The following ZNF808 variants were observed in gnomAD, a reference collection of about 807,000 sequenced individuals.
ZNF808 encodes the protein zinc finger protein 808.
A neutral mutation model predicts 8.7 loss-of-function variants in ZNF808; 5 were observed. The observed-to-expected ratio is 0.58, with a 90% CI of 0.30 to 1.21. The LOEUF (loss-of-function observed/expected upper bound fraction) is 1.21. Ranked by LOEUF, ZNF808 falls within the 50% of genes most tolerant of loss-of-function variation. ZNF808 has a pLI of 0.07. For synonymous variants in ZNF808, 380 were observed against 366.0 expected, an observed-to-expected ratio of 1.04 and a Z score of -0.44; for missense variants, 1,103 against 1,098.4, an observed-to-expected ratio of 1.00 and a Z score of -0.06.
At chr19:52,542,991 G>A (rs1273514036) in intron 2 of ZNF808, among the ~76,000 whole-genome samples, 1 of 151,674 alleles carries the variant, frequency 6.6e-6, no homozygotes, top group Non-Finnish European at 1.5e-5. Context: ...TCAGGGATGA[G>A]TCTGTGCCAT....
downstream of ZNF808, chr19:52,556,604 A>C (rs545933169): frequency 2.0e-5 from 3 of 152,236 alleles, no homozygotes; most frequent in East Asian, 3.9e-4. Flanking sequence ...GATTACAGGC[A>C]TGAGCCACCG....
At chr19:52,563,777 A>G (rs1568495733) in exon 4 of ZNF808, 1 of 167,412 alleles carries the variant, frequency 6.0e-6, no homozygotes, top group East Asian at 1.9e-4. Context: ...AACAGGAGAA[A>G]CAATAGTCAG....
At chr19:52,529,784 G>A (rs440545) in intron 1 of ZNF808, among the ~76,000 whole-genome samples, 47,446 of 151,588 alleles carry the variant, frequency 0.31, 8,027 homozygotes, top group East Asian at 0.5. Flanking sequence ...GTGCAGTGGC[G>A]TGATCCTCTA....
chr19:52,553,374 A>G lies in ZNF808; in HGVS notation c.458A>G (p.Lys153Arg). Residue 153 changes from lysine to arginine, a missense_variant, in exon 5 of 5, where the codon AAA becomes AGA. Coordinates refer to ENST00000359798, the MANE Select transcript of ZNF808 (RefSeq NM_001039886.4). ...AGGCATGCTGGAAACAAGCCTATTAAAGATCAGCTTGGATCAAGCTTTTAT... is the reference window on the plus strand; with the variant it reads ...AGGCATGCTGGAAACAAGCCTATTAGAGATCAGCTTGGATCAAGCTTTTAT... ...DHRHAGNKPI[K>R]DQLGSSFYSH... 1 of 1,614,204 alleles carries G rather than the reference A, an allele frequency of 6.2e-7. No homozygotes were observed.
chr19:52,538,594 C>CT (rs1376540775), intron 2 of ZNF808, among the ~76,000 whole-genome samples: 3 of 148,046 alleles, frequency 2.0e-5, no homozygotes, highest in Non-Finnish European at 4.4e-5. Flanking sequence ...CACCATTGTA[C>CT]TTCAGCGTGG....
chr19:52,531,822 A>G (rs1431044175), intron 1 of ZNF808, among the ~76,000 whole-genome samples: 1 of 152,180 alleles, frequency 6.6e-6, no homozygotes, highest in South Asian at 2.1e-4. Flanking sequence ...GCCTGGTGTT[A>G]TGTAACTGTA....
exon 4 of ZNF808, chr19:52,564,107 G>C: frequency 3.0e-6 from 2 of 660,198 alleles, no homozygotes; most frequent in Non-Finnish European, 2.8e-6. Flanking sequence ...AGGATTAAGC[G>C]GTTTCTGGCC....
chr19:52,564,900 C>T (rs1162807101), downstream of ZNF808, among the ~76,000 whole-genome samples: 1 of 152,052 alleles, frequency 6.6e-6, no homozygotes, highest in Non-Finnish European at 1.5e-5. Context: ...TCCTGGCTAA[C>T]ACGGTGAAAC....
At chr19:52,548,836 G>T (rs1465021962) in intron 4 of ZNF808, among the ~76,000 whole-genome samples, 1 of 152,078 alleles carries the variant, frequency 6.6e-6, no homozygotes, top group African/African-American at 2.4e-5. Context: ...AATACTACCA[G>T]GCTGGGTGCG....
At chr19:52,568,378 C>G (rs1316458874), downstream of ZNF808, among the ~76,000 whole-genome samples, 18 of 151,528 alleles carry the variant, frequency 1.2e-4, no homozygotes, top group Non-Finnish European at 2.9e-5. Flanking sequence ...CTTCCCAAAA[C>G]AAAACAAAAC....
rs752391223 is a variant in ZNF808 at position 52,543,409 on chromosome 19, A to G, written c.63+62A>G. The G allele has an allele frequency of 9.2e-5, 146 of 1,588,166 alleles. No individual in the cohort carries two copies. In the Middle Eastern group the frequency reaches 1.4e-3, roughly 15 times the overall value. ...TTCCTTTCTGAAATGTAGTAGTATT[A>G]TATTGTATTGTAGTAATGTATTGTA... On this transcript the variant is annotated intron_variant, in intron 3 of 4. Coordinates refer to ENST00000359798, the MANE Select transcript of ZNF808 (RefSeq NM_001039886.4).
Position 52,553,149 on chromosome 19 carries a change from G to A in ZNF808, c.233G>A (p.Gly78Glu), listed in dbSNP as rs747285353. The A allele has an allele frequency of 8.2e-6, 13 of 1,592,628 alleles. No individual in the cohort carries two copies. Among genetic ancestry groups the A allele is most frequent in the African/African-American group, 1.4e-5 (1 of 73,602 alleles). ...KHMMKEVLST[G>E]QGNREVIHTG... The stretch of plus-strand genomic sequence containing the variant: ...ATGATGAAGGAGGTCTTGTCAACAG[G>A]GCAAGGCAATAGAGAAGTGATCCAC... The change falls in exon 5 of 5, where the codon GGG (glycine) becomes GAG (glutamate). Residue 78 changes from glycine to glutamate, a missense_variant. Transcript: ENST00000359798.
chr19:52,547,749 T>G (rs1275044755), intron 4 of ZNF808, 111 bp downstream of exon 4: 9 of 1,523,966 alleles, frequency 5.9e-6, no homozygotes, highest in Non-Finnish European at 7.0e-6. Context: ...GTTTTTTTTT[T>G]TTTTTTTTTT....
At chr19:52,528,504 A>G (rs984070660) in intron 1 of ZNF808, among the ~76,000 whole-genome samples, 9 of 152,216 alleles carry the variant, frequency 5.9e-5, no homozygotes, top group Non-Finnish European at 1.3e-4. Context: ...GGAAAAAGAA[A>G]GCAACAAAAT....
chr19:52,530,340 G>T (rs370883787), intron 1 of ZNF808, among the ~76,000 whole-genome samples: 1 of 152,022 alleles, frequency 6.6e-6, no homozygotes, highest in Non-Finnish European at 1.5e-5. Context: ...GATTCCTGGC[G>T]TGAGCCACCA....
intron 3 of ZNF808, among the ~76,000 whole-genome samples, chr19:52,543,958 A>T (rs1418621055): frequency 6.6e-6 from 1 of 152,004 alleles, no homozygotes; most frequent in Non-Finnish European, 1.5e-5. Context: ...CAGGACTTAG[A>T]GACCAGCCTG....
At chr19:52,535,275 GAGCCAAAATCGT>G (rs2059594772) in intron 2 of ZNF808, among the ~76,000 whole-genome samples, 1 of 142,496 alleles carries the variant, frequency 7.0e-6, no homozygotes, top group Non-Finnish European at 1.5e-5. Context: ...AGCTTGCAGT[GAGCCAAAATCGT>G]GCCACTGCAC....
At chr19:52,542,786 G>A (rs1017572651) in intron 2 of ZNF808, among the ~76,000 whole-genome samples, 5 of 151,940 alleles carry the variant, frequency 3.3e-5, no homozygotes, top group Admixed American at 2.0e-4. Flanking sequence ...GAGAAATGAG[G>A]CACAAGTAGT....
At chr19:52,557,549 T>C (rs1473603909), downstream of ZNF808, among the ~76,000 whole-genome samples, 1 of 152,222 alleles carries the variant, frequency 6.6e-6, no homozygotes, top group East Asian at 1.9e-4. Flanking sequence ...ATTACAGGCG[T>C]GAGCCATCGT....
Sources: allele counts gnomAD v4.1 joint callset (sites outside exome capture counted in the v4.1 genomes callset), GRCh38; gene constraint gnomAD v4.1.1; transcripts MANE v1.5; gene names NCBI Gene and HGNC (gene_info 2026-07-23, HGNC 2026-07-21).